The following CNBD1 variants were observed in gnomAD, a reference collection of about 807,000 sequenced individuals.
CNBD1 encodes the protein cyclic nucleotide-binding domain-containing protein 1.
A neutral mutation model predicts 54.4 loss-of-function variants in CNBD1; 71 were observed. The ratio of observed to expected loss-of-function variants is 1.30; its 90% CI spans 1.08 to 1.59. The LOEUF (loss-of-function observed/expected upper bound fraction) is 1.59. Ranked by LOEUF, CNBD1 falls within the 40% of genes most tolerant of loss-of-function variation. The probability of loss-of-function intolerance (pLI) is 0.00; values close to 1 mark genes in which losing one functional copy is unlikely to be tolerated. For synonymous variants in CNBD1, 182 were observed against 170.7 expected, an observed-to-expected ratio of 1.07 and a Z score of -0.51; for missense variants, 659 against 518.0, an observed-to-expected ratio of 1.27 and a Z score of -2.64.
chr8:87,040,876 G>A (rs1335526137), intron 4 of CNBD1, among the ~76,000 whole-genome samples: 1 of 151,560 alleles, frequency 6.6e-6, no homozygotes, highest in South Asian at 2.1e-4. Context: ...GATAAAATAA[G>A]TGTTTCATTA....
intron 5 of CNBD1, among the ~76,000 whole-genome samples, chr8:87,218,314 T>G (rs1168026332): frequency 6.6e-6 from 1 of 152,112 alleles, no homozygotes; most frequent in Admixed American, 6.6e-5. Context: ...TACGCAGTAC[T>G]GATCTAAAGT....
intron 4 of CNBD1, among the ~76,000 whole-genome samples, chr8:86,978,534 C>CTTTTTTTT (rs71277907): frequency 2.1e-4 from 14 of 66,710 alleles, no homozygotes; most frequent in Admixed American, 4.3e-4. Context: ...ATGCTTTTAT[C>CTTTTTTTT]TTTTTTTTTT....
At chr8:87,354,220 T>A (rs1563566494) in intron 10 of CNBD1, among the ~76,000 whole-genome samples, 1 of 151,998 alleles carries the variant, frequency 6.6e-6, no homozygotes, top group South Asian at 2.1e-4. Flanking sequence ...CTTAGGATAA[T>A]GGTATAGTAA....
intron 3 of CNBD1, among the ~76,000 whole-genome samples, chr8:86,907,545 G>T (rs1809035862): frequency 6.6e-6 from 1 of 152,006 alleles, no homozygotes; most frequent in Non-Finnish European, 1.5e-5. Flanking sequence ...GTGGGCACCT[G>T]TAATCCCAGC....
At chr8:87,145,686 T>C (rs1812470557) in intron 4 of CNBD1, among the ~76,000 whole-genome samples, 1 of 152,200 alleles carries the variant, frequency 6.6e-6, no homozygotes, top group Admixed American at 6.5e-5. Flanking sequence ...GGGTTTATAA[T>C]CCTTCTTGAC....
At chr8:87,106,124 T>C (rs1586260175) in intron 4 of CNBD1, among the ~76,000 whole-genome samples, 2 of 152,268 alleles carry the variant, frequency 1.3e-5, no homozygotes, top group East Asian at 3.9e-4. Flanking sequence ...AGATATTTTC[T>C]TTTTCTTTCT....
intron 4 of CNBD1, among the ~76,000 whole-genome samples, chr8:87,076,282 C>G (rs2130658637): frequency 6.6e-6 from 1 of 152,238 alleles, no homozygotes; most frequent in South Asian, 2.1e-4. Flanking sequence ...GTAATCACAA[C>G]CTATATCTGG....
chr8:87,358,019 C>A (rs1441249162), intron 10 of CNBD1, among the ~76,000 whole-genome samples: 3 of 152,172 alleles, frequency 2.0e-5, no homozygotes, highest in African/African-American at 7.2e-5. Context: ...TGCTCCCTCT[C>A]TCTCCATGTG....
chr8:87,322,272 ATG>A lies in CNBD1; in HGVS notation c.1043-29409_1043-29408del. On this transcript the variant is annotated intron_variant, in intron 8 of 10. Transcript: ENST00000518476. ...AATGCCGCAATAAACATACGTGTGC[ATG>A]TGTCTTTACAGCAGCATGATTTATA... is the stretch of plus-strand genomic sequence containing the variant. 1.6e-5 allele frequency among the ~76,000 whole-genome samples: 2 copies of A among 124,000 alleles called. 1 individual carries two copies. Among genetic ancestry groups the A allele is most frequent in the African/African-American group, 6.0e-5 (2 of 33,118 alleles). 81.3% of individuals were successfully genotyped at this position (124,000 alleles called of 152,430 possible). A position where few individuals can be genotyped will look rare whatever the true frequency, so the allele number is the denominator to read the frequency against.
At chr8:86,978,847 A>G (rs1808404601) in intron 4 of CNBD1, among the ~76,000 whole-genome samples, 2 of 152,120 alleles carry the variant, frequency 1.3e-5, no homozygotes, top group Admixed American at 1.3e-4. Context: ...CATGCTTTAT[A>G]TTTTAATAAC....
intron 2 of CNBD1, among the ~76,000 whole-genome samples, chr8:87,398,050 A>G (rs1171101632): frequency 6.6e-6 from 1 of 151,814 alleles, no homozygotes; most frequent in African/African-American, 2.4e-5. Context: ...AGTCTCGGGT[A>G]TATCTTTATC....
At chr8:87,422,811 A>G (rs1807964934) in intron 2 of CNBD1, among the ~76,000 whole-genome samples, 1 of 152,182 alleles carries the variant, frequency 6.6e-6, no homozygotes, top group Admixed American at 6.5e-5. Flanking sequence ...TTCTGTGAAG[A>G]AAGGCATTGG....
chr8:86,895,133 C>T (rs923675269), intron 2 of CNBD1, among the ~76,000 whole-genome samples: 3 of 152,126 alleles, frequency 2.0e-5, no homozygotes, highest in African/African-American at 7.2e-5. Context: ...CACCTTACAA[C>T]ACTGTGGCAC....
At chr8:87,198,651 A>G (rs1196689062) in intron 4 of CNBD1, among the ~76,000 whole-genome samples, 1 of 152,182 alleles carries the variant, frequency 6.6e-6, no homozygotes, top group Non-Finnish European at 1.5e-5. Flanking sequence ...GCCAATCAGC[A>G]GAAGTTTTTA....
chr8:87,357,382 C>A (rs896980185), intron 10 of CNBD1, among the ~76,000 whole-genome samples: 5 of 152,182 alleles, frequency 3.3e-5, no homozygotes, highest in Non-Finnish European at 7.3e-5. Context: ...TGGGCTGCAT[C>A]CAGCAAAGCT....
chr8:87,211,316 G>A (rs906930289), intron 5 of CNBD1, among the ~76,000 whole-genome samples: 2 of 152,118 alleles, frequency 1.3e-5, no homozygotes, highest in Non-Finnish European at 2.9e-5. Context: ...ATAAGACCTT[G>A]GACTTGGGAC....
chr8:87,377,806 C>T (rs1326531744), intron 10 of CNBD1, among the ~76,000 whole-genome samples: 5 of 149,140 alleles, frequency 3.4e-5, no homozygotes, highest in African/African-American at 5.0e-5. Context: ...ACATCCTCTC[C>T]AGCACCTGTT....
chr8:87,215,990 AC>A (rs1339169125), intron 5 of CNBD1, among the ~76,000 whole-genome samples: 2 of 152,060 alleles, frequency 1.3e-5, no homozygotes, highest in Non-Finnish European at 2.9e-5. Flanking sequence ...ACAATATGTG[AC>A]CTTTTGTGTT....
At chr8:86,971,483 A>G (rs1163167049) in intron 4 of CNBD1, among the ~76,000 whole-genome samples, 1 of 152,198 alleles carries the variant, frequency 6.6e-6, no homozygotes, top group Non-Finnish European at 1.5e-5. Flanking sequence ...TGCTGATTTC[A>G]TATTGATTTA....
Sources: gnomAD v4.1 joint callset for allele counts (sites outside exome capture counted in the v4.1 genomes callset) on GRCh38, gnomAD v4.1.1 for gene constraint, MANE v1.5 for transcripts, NCBI Gene and HGNC (gene_info 2026-07-23, HGNC 2026-07-21) for gene names.